Variants in CACHD1 observed in about 807,000 individuals in gnomAD.
CACHD1 encodes cache domain containing 1.
CACHD1 carries 71 observed loss-of-function variants against 138.7 expected under a neutral mutation model. That is an observed-to-expected ratio of 0.51 (90% confidence interval 0.42 to 0.62). The LOEUF is 0.62. Ranked by LOEUF, CACHD1 falls within the 20% of genes least tolerant of loss-of-function variation. CACHD1 has a pLI of 0.00. For missense variants in CACHD1, 1,389 were observed against 1,625.3 expected (o/e 0.85, Z 2.50); for synonymous variants, 578 against 591.5 (o/e 0.98, Z 0.33).
chr1:64,615,334 C>T (rs1481361611), intron 4 of CACHD1, among the ~76,000 whole-genome samples: 2 of 152,156 alleles, frequency 1.3e-5, no homozygotes, highest in African/African-American at 4.8e-5. Context: ...TGGGAGAGAG[C>T]AGGGCTTCTA....
chr1:64,582,632 T>C (rs1647021700), intron 3 of CACHD1, among the ~76,000 whole-genome samples: 2 of 152,222 alleles, frequency 1.3e-5, no homozygotes, highest in East Asian at 3.8e-4. Context: ...TTAAGCCATG[T>C]CACTTGCTTA....
rs1347985941 is a variant in CACHD1, at chr1:64,658,594, C to G, written c.1783-111C>G. 4.4e-6 allele frequency: 3 copies of G among 688,460 alleles called. No homozygotes were observed. In the East Asian group the frequency reaches 8.5e-5, roughly 20 times the overall value. The allele number at this position is 688,460 out of a possible 1,614,324, so 42.6% of individuals were successfully genotyped here. A position where few individuals can be genotyped will look rare whatever the true frequency, so the allele number is the denominator to read the frequency against. ...TCATTCATCCCATATTTAATGAATACCTTCCACGTGAAGATAGAAGGTAGA... is the reference window on the plus strand; with the variant it reads ...TCATTCATCCCATATTTAATGAATAGCTTCCACGTGAAGATAGAAGGTAGA... On this transcript the variant is annotated intron_variant, in intron 12 of 26. Coordinates refer to ENST00000651257, the MANE Select transcript of CACHD1 (RefSeq NM_020925.4).
chr1:64,652,769 A>T (rs1031197687), intron 10 of CACHD1, among the ~76,000 whole-genome samples: 1 of 152,214 alleles, frequency 6.6e-6, no homozygotes, highest in Non-Finnish European at 1.5e-5. Context: ...TTGCAGAGAA[A>T]AGGGTACACT....
chr1:64,561,158 G>GT lies in CACHD1; in HGVS notation c.261+10510dup, dbSNP rs1021210237. 4.8e-5 allele frequency among the ~76,000 whole-genome samples: 7 copies of GT among 146,940 alleles called. No homozygotes were observed. In the East Asian group the frequency reaches 1.0e-3, roughly 21 times the overall value. On this transcript the variant is annotated intron_variant, in intron 2 of 26. Transcript: ENST00000651257. ...AATGTTTAATAAATTAATATTTTGG[G>GT]TTTTTTTTCTGTTTTTTTTTTCATT...
chr1:64,550,720 C>T, intron 2 of CACHD1, 64 bp downstream of exon 2: 1 of 1,111,348 alleles, frequency 9.0e-7, no homozygotes, highest in Non-Finnish European at 1.4e-6. Context: ...GGCTTCGTCA[C>T]TCTTTCCAAG....
intron 1 of CACHD1, among the ~76,000 whole-genome samples, chr1:64,486,399 TACAC>T (rs1174652990): frequency 4.9e-5 from 7 of 144,058 alleles, no homozygotes; most frequent in African/African-American, 1.8e-4. Context: ...CACATACACA[TACAC>T]ACACACACAT....
intron 4 of CACHD1, among the ~76,000 whole-genome samples, chr1:64,606,989 C>T (rs949765130): frequency 6.6e-6 from 1 of 152,164 alleles, no homozygotes; most frequent in African/African-American, 2.4e-5. Context: ...TTGAGATGCT[C>T]ATTGGATATC....
At chr1:64,658,935 G>C (rs1174148575) in intron 13 of CACHD1, 62 bp downstream of exon 13, 11 of 1,363,586 alleles carry the variant, frequency 8.1e-6, no homozygotes, top group Non-Finnish European at 9.7e-6. Flanking sequence ...ATATCCTTTT[G>C]AATACCATCC....
chr1:64,470,819 G>GTA lies in CACHD1; in HGVS notation c.75_76insTA (p.Val26Ter). The GTA allele has an allele frequency of 6.8e-7, 1 of 1,477,518 alleles. No homozygotes were observed. Among genetic ancestry groups the GTA allele is most frequent in the Non-Finnish European group, 9.2e-7 (1 of 1,084,432 alleles). The allele number at this position is 1,477,518 out of a possible 1,614,324, so 91.5% of individuals were successfully genotyped here. A position where few individuals can be genotyped will look rare whatever the true frequency, so the allele number is the denominator to read the frequency against. On this transcript the variant is annotated frameshift_variant, in exon 1 of 27. Transcript: ENST00000651257. LOFTEE classifies it high-confidence loss of function. This position sits in a 1 kb window ranked among gnomAD's most constrained non-coding sequence, Gnocchi z 5.2. ...GGCCGCCCCTCTGGCTGCTCTGCCT[G>GTA]GTCGCGTGCTGGCTCCTGGGCGCCG...
At position 64,640,680 on chromosome 1, in the gene CACHD1, T is replaced by C. The variant is rs574629058; in HGVS notation, c.1007-1140T>C. Among the ~76,000 whole-genome samples the C allele has an allele frequency of 2.5e-3, 285 of 113,578 alleles. 2 individuals are homozygous for C. Among genetic ancestry groups the C allele is most frequent in the African/African-American group, 9.8e-3 (278 of 28,430 alleles). 74.5% of individuals were successfully genotyped at this position (113,578 alleles called of 152,430 possible). On this transcript the variant is annotated intron_variant, in intron 7 of 26. Coordinates refer to ENST00000651257, the MANE Select transcript of CACHD1 (RefSeq NM_020925.4). ...CAGAGCAAGACTCAGTCTTAAAATATATATATATACAGACACACACACACA... is the reference window on the plus strand; with the variant it reads ...CAGAGCAAGACTCAGTCTTAAAATACATATATATACAGACACACACACACA...
chr1:64,530,543 T>C (rs1000247020), intron 1 of CACHD1, among the ~76,000 whole-genome samples: 3 of 152,084 alleles, frequency 2.0e-5, no homozygotes, highest in Non-Finnish European at 2.9e-5. Flanking sequence ...TTGGCCATTA[T>C]TAACGAGCTG....
At chr1:64,572,135 T>G (rs1646931581) in intron 2 of CACHD1, among the ~76,000 whole-genome samples, 1 of 152,198 alleles carries the variant, frequency 6.6e-6, no homozygotes, top group Non-Finnish European at 1.5e-5. Context: ...TATTTTCCCC[T>G]TTCCCTCGTG....
rs113746730 is a variant in CACHD1, at chr1:64,691,836, C to T, written c.*275C>T. On this transcript the variant is annotated 3_prime_UTR_variant, in exon 27 of 27. Transcript: ENST00000651257. Reference sequence around the variant, plus strand: ...AACACTAATGGAAGGTAACAGAAGGCGAACCTCCAAACACAGAGACGGAAC... The same window carrying T: ...AACACTAATGGAAGGTAACAGAAGGTGAACCTCCAAACACAGAGACGGAAC... 5 of 420,962 alleles carry T rather than the reference C, an allele frequency of 1.2e-5. No individual in the cohort carries two copies. The highest frequency in any genetic ancestry group is 2.0e-5 in the African/African-American group (1 of 50,584). 26.1% of individuals were successfully genotyped at this position (420,962 alleles called of 1,614,324 possible).
intron 13 of CACHD1, among the ~76,000 whole-genome samples, chr1:64,659,109 CA>C (rs1649359603): frequency 6.6e-6 from 1 of 152,066 alleles, no homozygotes; most frequent in South Asian, 2.1e-4. Flanking sequence ...TTTGAGAAAC[CA>C]GTGAAGAAGT....
intron 1 of CACHD1, among the ~76,000 whole-genome samples, chr1:64,506,698 C>T (rs1646379621): frequency 6.6e-6 from 1 of 152,142 alleles, no homozygotes; most frequent in Non-Finnish European, 1.5e-5. Context: ...TGCTAAGTAT[C>T]TGGTGTATCT....
At chr1:64,673,697 G>C (rs180683575) in intron 19 of CACHD1, among the ~76,000 whole-genome samples, 3 of 152,210 alleles carry the variant, frequency 2.0e-5, no homozygotes, top group African/African-American at 7.2e-5. Context: ...ATTTTGTTTT[G>C]GTTTTATTTG....
At chr1:64,540,672 T>C (rs971820757) in intron 1 of CACHD1, among the ~76,000 whole-genome samples, 7 of 152,226 alleles carry the variant, frequency 4.6e-5, no homozygotes, top group Non-Finnish European at 1.0e-4. Flanking sequence ...TTTTGAATGC[T>C]GTAACAGGAA....
At chr1:64,577,482 A>G in intron 2 of CACHD1, among the ~76,000 whole-genome samples, 1 of 152,328 alleles carries the variant, frequency 6.6e-6, no homozygotes, top group Middle Eastern at 3.4e-3. Context: ...TATTACAAAG[A>G]GAAGCAATGT....
At chr1:64,639,588 T>C (rs1471420412) in intron 7 of CACHD1, among the ~76,000 whole-genome samples, 2 of 152,194 alleles carry the variant, frequency 1.3e-5, no homozygotes, top group Non-Finnish European at 2.9e-5. Context: ...TTTCTTAGAG[T>C]CAAATTTTGT....
Sources: gnomAD v4.1 joint callset for allele counts (sites outside exome capture counted in the v4.1 genomes callset) on GRCh38, gnomAD v4.1.1 for gene constraint, Gnocchi (gnomAD v3.1) non-coding constraint, MANE v1.5 for transcripts, NCBI Gene and HGNC (gene_info 2026-07-23, HGNC 2026-07-21) for gene names.